MKLN1: variants seen among roughly 807,000 people sequenced by gnomAD.
MKLN1 encodes the protein muskelin.
A neutral mutation model predicts 99.0 loss-of-function variants in MKLN1; 18 were observed. The ratio of observed to expected loss-of-function variants is 0.18; its 90% CI spans 0.13 to 0.27. MKLN1 has a LOEUF of 0.27. Ranked by LOEUF, MKLN1 falls within the 10% of genes least tolerant of loss-of-function variation. The pLI is 1.00. For synonymous variants in MKLN1, 288 were observed against 293.2 expected, an observed-to-expected ratio of 0.98 and a Z score of 0.18; for missense variants, 621 against 875.9, an observed-to-expected ratio of 0.71 and a Z score of 3.67.
At chr7:131,352,998 A>G (rs1406547797) in intron 1 of MKLN1, among the ~76,000 whole-genome samples, 3 of 152,094 alleles carry the variant, frequency 2.0e-5, no homozygotes, top group Admixed American at 6.5e-5. Flanking sequence ...ATGTGCCACA[A>G]TTTGTTGAAC....
intron 1 of MKLN1, among the ~76,000 whole-genome samples, chr7:131,359,285 ATG>A (rs1226694458): frequency 1.3e-5 from 2 of 152,186 alleles, no homozygotes; most frequent in African/African-American, 4.8e-5. Context: ...ATTTGGAAGT[ATG>A]TTTACACCAA....
intron 8 of MKLN1, among the ~76,000 whole-genome samples, chr7:131,424,671 C>A (rs962063158): frequency 2.0e-5 from 3 of 151,976 alleles, no homozygotes; most frequent in African/African-American, 7.3e-5. Context: ...ATGTACTATA[C>A]CAAAGAATGT....
intron 1 of MKLN1, 190 bp downstream of exon 1, chr7:131,328,187 C>T (rs780195947): frequency 4.7e-5 from 33 of 694,832 alleles, no homozygotes; most frequent in Non-Finnish European, 6.5e-5. Flanking sequence ...GGTTAGGGTC[C>T]GGAGAGCGAG....
chr7:131,285,227 T>A (rs1473152894), intron 3 of MKLN1: 1 of 152,414 alleles, frequency 6.6e-6, no homozygotes, highest in Non-Finnish European at 1.5e-5. Flanking sequence ...GGAGGGAAGC[T>A]GGGCGGTGCC....
chr7:131,421,192 C>T (rs907594159), intron 8 of MKLN1, among the ~76,000 whole-genome samples: 12 of 152,080 alleles, frequency 7.9e-5, no homozygotes, highest in Admixed American at 2.0e-4. Context: ...CTGGTGTATC[C>T]TTGGGTTTTT....
At chr7:131,120,416 G>C (rs1395183399) in intron 1 of MKLN1, among the ~76,000 whole-genome samples, 1 of 150,292 alleles carries the variant, frequency 6.7e-6, no homozygotes, top group Non-Finnish European at 1.5e-5. Flanking sequence ...AGGTGTGGCG[G>C]TGGGCGCCTG....
At chr7:131,275,220 T>G (rs1340868564) in intron 3 of MKLN1, among the ~76,000 whole-genome samples, 1 of 152,014 alleles carries the variant, frequency 6.6e-6, no homozygotes, top group Non-Finnish European at 1.5e-5. Flanking sequence ...TGCTGTATCC[T>G]TGCTTGCATT....
rs142624824 is a variant in MKLN1, at chr7:131,120,258, G to A, written c.-419+10051G>A. On this transcript the variant is annotated intron_variant, in intron 1 of 7. Coordinates refer to the MKLN1 transcript ENST00000416992. ...TTTTTCTGTCAGGCCAGTTGCAATG[G>A]CTCACACCTGTAATCCCAGCACTTT... 9.4e-3 allele frequency among the ~76,000 whole-genome samples: 1,430 copies of A among 151,732 alleles called. 26 individuals carry two copies. The highest frequency in any genetic ancestry group is 0.033 in the African/African-American group (1,344 of 41,324).
chr7:131,275,577 T>A (rs1453296624), intron 3 of MKLN1, among the ~76,000 whole-genome samples: 51 of 93,324 alleles, frequency 5.5e-4, no homozygotes, highest in African/African-American at 1.7e-3. Flanking sequence ...ATTTTTTTTT[T>A]TTTTTTTTTT....
chr7:131,339,976 T>A (rs950220868), intron 1 of MKLN1, among the ~76,000 whole-genome samples: 2 of 152,146 alleles, frequency 1.3e-5, no homozygotes, highest in Non-Finnish European at 2.9e-5. Flanking sequence ...TTAAAGAAGT[T>A]GTCTTATATA....
At chr7:131,400,646 G>A (rs923236726) in intron 6 of MKLN1, among the ~76,000 whole-genome samples, 4 of 151,036 alleles carry the variant, frequency 2.6e-5, no homozygotes, top group African/African-American at 9.7e-5. Context: ...TTATCAGTAA[G>A]GCATTTGATA....
At chr7:131,142,648 T>C (rs1448042703) in intron 1 of MKLN1, among the ~76,000 whole-genome samples, 1 of 151,812 alleles carries the variant, frequency 6.6e-6, no homozygotes, top group East Asian at 1.9e-4. Flanking sequence ...GGCAGGAGAA[T>C]GGCGTGAACC....
intron 2 of MKLN1, among the ~76,000 whole-genome samples, chr7:131,385,004 C>G (rs1470854682): frequency 1.3e-5 from 2 of 152,192 alleles, no homozygotes; most frequent in African/African-American, 4.8e-5. Flanking sequence ...TCATTGTCCA[C>G]AAAGAAACTT....
At chr7:131,156,320 G>C (rs1284006932) in intron 2 of MKLN1, among the ~76,000 whole-genome samples, 3 of 151,996 alleles carry the variant, frequency 2.0e-5, no homozygotes, top group African/African-American at 7.3e-5. Flanking sequence ...GAGGTCAGGA[G>C]ATCGAGACCA....
At chr7:131,327,007 G>A (rs1798905184), upstream of MKLN1, 1 of 152,236 alleles carries the variant, frequency 6.6e-6, no homozygotes, top group African/African-American at 2.4e-5. Flanking sequence ...AGAGCTGCCA[G>A]ATAATTTAGA....
chr7:131,329,457 G>A (rs762640228), intron 1 of MKLN1, among the ~76,000 whole-genome samples: 26 of 152,190 alleles, frequency 1.7e-4, no homozygotes, highest in Non-Finnish European at 3.5e-4. Flanking sequence ...GTGGCCCTAT[G>A]TACTTGACCT....
At chr7:131,466,068 G>T (rs1209207257) in intron 14 of MKLN1, among the ~76,000 whole-genome samples, 1 of 151,858 alleles carries the variant, frequency 6.6e-6, no homozygotes, top group Non-Finnish European at 1.5e-5. Flanking sequence ...ACTCACTTTG[G>T]CATATGTGCA....
intron 2 of MKLN1, among the ~76,000 whole-genome samples, chr7:131,192,644 C>T (rs1796585320): frequency 1.3e-5 from 2 of 151,448 alleles, no homozygotes; most frequent in Admixed American, 1.3e-4. Context: ...AGGTTTCAAA[C>T]AATTCTCCTG....
At chr7:131,155,614 T>C (rs1323963030) in intron 2 of MKLN1, among the ~76,000 whole-genome samples, 2 of 152,272 alleles carry the variant, frequency 1.3e-5, no homozygotes, top group South Asian at 2.1e-4. Flanking sequence ...ATGTACCTTC[T>C]ATATACAACT....
Sources: allele counts gnomAD v4.1 joint callset (sites outside exome capture counted in the v4.1 genomes callset), GRCh38; gene constraint gnomAD v4.1.1; transcripts MANE v1.5; gene names NCBI Gene and HGNC (gene_info 2026-07-23, HGNC 2026-07-21).